RHPN1: variants seen among roughly 807,000 people sequenced by gnomAD.
RHPN1 encodes the protein rhophilin-1.
Under a neutral mutation model 74.7 loss-of-function variants are expected in RHPN1, and 77 were observed. The observed-to-expected ratio is 1.03, with a 90% confidence interval of 0.86 to 1.25. The LOEUF (loss-of-function observed/expected upper bound fraction) is 1.25, where lower values mean the gene tolerates loss of function less well. Among genes scored for constraint, RHPN1 ranks in the 50% most tolerant of loss-of-function variants. The pLI is 0.00. For missense variants in RHPN1, 987 were observed against 932.2 expected (o/e 1.06, Z -0.77); for synonymous variants, 444 against 414.5 (o/e 1.07, Z -0.87).
In RHPN1 at chr8:143,368,887, C is replaced by G; in HGVS notation, c.-101C>G. The G allele has an allele frequency of 1.1e-6, 1 of 874,816 alleles. No individual in the cohort carries two copies. Among genetic ancestry groups the G allele is most frequent in the South Asian group, 3.2e-5 (1 of 31,684 alleles). The allele number at this position is 874,816 out of a possible 1,614,324, so 54.2% of individuals were successfully genotyped here. A position where few individuals can be genotyped will look rare whatever the true frequency, so the allele number is the denominator to read the frequency against. Reference sequence around the variant, plus strand: ...GGACCGGCGCGGGCACTCAGGAGCCCGCGGCCCAGGTGGTGCGGGCGGCCC... The same window carrying G: ...GGACCGGCGCGGGCACTCAGGAGCCGGCGGCCCAGGTGGTGCGGGCGGCCC... On this transcript the variant is annotated 5_prime_UTR_variant, in exon 1 of 15. Coordinates refer to ENST00000289013, the MANE Select transcript of RHPN1 (RefSeq NM_052924.3).
chr8:143,381,827 C>A lies in RHPN1; in HGVS notation c.1656C>A (p.Gly552=). 1 of 1,612,820 alleles carries A rather than the reference C, an allele frequency of 6.2e-7. No homozygotes were observed. The change falls in exon 14 of 15, where the codon GGC becomes GGA. Residue 552 remains glycine (G), a synonymous_variant. Coordinates refer to ENST00000289013, the MANE Select transcript of RHPN1 (RefSeq NM_052924.3). The stretch of plus-strand genomic sequence containing the variant: ...CACAGGCGGCTGGCCTGAAGGAGGG[C>A]GACTACATTGTGTCAGTGAATGGGC... ...SQAAAAGLKE[G]DYIVSVNGQP...
rs1450374637 is a variant in RHPN1 at position 143,378,177 on chromosome 8, C to T, written c.382-92C>T. The T allele has an allele frequency of 4.6e-6, 5 of 1,076,860 alleles. No homozygotes were observed. In the South Asian group the frequency reaches 6.9e-5, roughly 15 times the overall value. The allele number at this position is 1,076,860 out of a possible 1,614,324, so 66.7% of individuals were successfully genotyped here. A position where few individuals can be genotyped will look rare whatever the true frequency, so the allele number is the denominator to read the frequency against. On this transcript the variant is annotated intron_variant, in intron 4 of 14. Coordinates refer to ENST00000289013, the MANE Select transcript of RHPN1 (RefSeq NM_052924.3). ...CTCTGCGGCACAGACCCTCCCTCCACCATGAGTCTTTTCCCAAGGTGGGTT... is the reference window on the plus strand; with the variant it reads ...CTCTGCGGCACAGACCCTCCCTCCATCATGAGTCTTTTCCCAAGGTGGGTT...
At chr8:143,375,453 T>A in intron 1 of RHPN1, 100 bp from the exon 2 acceptor site, 1 of 746,000 alleles carries the variant, frequency 1.3e-6, no homozygotes, top group Non-Finnish European at 2.1e-6. Flanking sequence ...GACCATCCCG[T>A]TACCCATGGG....
chr8:143,377,513 C>G, intron 4 of RHPN1, 58 bp downstream of exon 4: 1 of 1,246,482 alleles, frequency 8.0e-7, no homozygotes, highest in Middle Eastern at 1.9e-4. Context: ...CCAAGGGGGT[C>G]TTGGAGGCTT....
intron 4 of RHPN1, 35 bp downstream of exon 4, chr8:143,377,490 C>T (rs1245153272): frequency 6.5e-7 from 1 of 1,530,780 alleles, no homozygotes; most frequent in Non-Finnish European, 9.0e-7. Context: ...AGATACACGG[C>T]CCTGCCCTGG....
intron 4 of RHPN1, 151 bp from the exon 5 acceptor site, chr8:143,378,118 C>A: frequency 1.5e-6 from 1 of 671,294 alleles, no homozygotes; most frequent in Admixed American, 2.6e-5. Context: ...CACTGAGGGG[C>A]CCAGGGCCCC....
At chr8:143,366,439 TAC>T (rs1335095606), upstream of RHPN1, among the ~76,000 whole-genome samples, 1 of 152,066 alleles carries the variant, frequency 6.6e-6, no homozygotes, top group Non-Finnish European at 1.5e-5. Context: ...AGTGCAGTGA[TAC>T]ATTCTTGCTG....
In RHPN1 at chr8:143,378,322, CAG is replaced by C; in HGVS notation, c.436_437del (p.Arg146GlyfsTer16). ...EDGASYEAEI[R>X]ELEALRQAMR... Reference sequence around the variant, plus strand: ...ACGGCGCCTCCTACGAGGCAGAAATCAGGGAGCTGGAGGCCCTGCGGCAGGTG... The same window carrying C: ...ACGGCGCCTCCTACGAGGCAGAAATCGGAGCTGGAGGCCCTGCGGCAGGTG... On this transcript the variant is annotated frameshift_variant, in exon 5 of 15. Transcript: ENST00000289013. LOFTEE classifies it high-confidence loss of function. 6.4e-7 allele frequency: 1 copy of C among 1,563,528 alleles called. No individual in the cohort carries two copies.
chr8:143,380,023 G>GC (rs750795646), intron 9 of RHPN1, 38 bp downstream of exon 9: 41 of 1,547,466 alleles, frequency 2.6e-5, no homozygotes, highest in African/African-American at 8.2e-5. Flanking sequence ...TACTGCCAAG[G>GC]CCCCCCCGCG....
intron 3 of RHPN1, among the ~76,000 whole-genome samples, chr8:143,376,870 A>ATGTGTGCGTTG (rs56074270): frequency 1.3e-5 from 2 of 148,290 alleles, no homozygotes; most frequent in Non-Finnish European, 3.0e-5. Flanking sequence ...CTGTGTGTAT[A>ATGTGTGCGTTG]TGTGTGTGCA....
Position 143,379,403 on chromosome 8 carries a change from G to C in RHPN1, c.840G>C (p.Met280Ile), listed in dbSNP as rs576970856. The C allele has an allele frequency of 1.1e-5, 18 of 1,591,632 alleles. No individual in the cohort carries two copies. Among genetic ancestry groups the C allele is most frequent in the South Asian group, 5.7e-5 (5 of 87,634 alleles). ...CCCTCTGCGCACTGGAGCAGCTCAT[G>C]ATGGCCCAGGCCCAGGAATGTGTGT... ...AASLCALEQL[M>I]MAQAQECVFE... Residue 280 changes from methionine to isoleucine, a missense_variant, in exon 8 of 15, where the codon ATG (methionine) becomes ATC (isoleucine). Physicochemically the swap from Met to Ile is conservative, Grantham distance 10. Transcript: ENST00000289013.
intron 2 of RHPN1, 53 bp from the exon 3 acceptor site, chr8:143,376,472 G>T: frequency 1.9e-6 from 3 of 1,599,850 alleles, no homozygotes; most frequent in Non-Finnish European, 2.6e-6. Flanking sequence ...GTGGGCACGG[G>T]GCCTTTGGCT....
chr8:143,374,969 G>A (rs549690773), intron 1 of RHPN1, among the ~76,000 whole-genome samples: 23 of 152,316 alleles, frequency 1.5e-4, no homozygotes, highest in South Asian at 1.2e-3. Context: ...ACGGGTGTGC[G>A]TTCGCTTCGA....
Position 143,368,915 on chromosome 8 carries a change from G to T in RHPN1, c.-73G>T, listed in dbSNP as rs892576709. 3.0e-5 allele frequency: 38 copies of T among 1,272,124 alleles called. No individual in the cohort carries two copies. The highest frequency in any genetic ancestry group is 3.9e-5 in the Non-Finnish European group (38 of 977,170). The allele number at this position is 1,272,124 out of a possible 1,614,324, so 78.8% of individuals were successfully genotyped here. A position where few individuals can be genotyped will look rare whatever the true frequency, so the allele number is the denominator to read the frequency against. On this transcript the variant is annotated 5_prime_UTR_variant, in exon 1 of 15. Transcript: ENST00000289013. ...GGCCCAGGTGGTGCGGGCGGCCCTAGCCCGGCTGCGGAGCGCTGCGCGAGC... is the reference window on the plus strand; with the variant it reads ...GGCCCAGGTGGTGCGGGCGGCCCTATCCCGGCTGCGGAGCGCTGCGCGAGC...
At chr8:143,367,880 G>C (rs1015204467), upstream of RHPN1, 3 of 152,296 alleles carry the variant, frequency 2.0e-5, no homozygotes, top group African/African-American at 7.2e-5. Context: ...AGCGGGCTCC[G>C]GAGTCACCAG....
chr8:143,379,557 G>A, intron 8 of RHPN1, 49 bp downstream of exon 8: 1 of 1,500,934 alleles, frequency 6.7e-7, no homozygotes, highest in Non-Finnish European at 8.9e-7. Context: ...GCCGAGCTGG[G>A]GTCAGAGCCC....
intron 1 of RHPN1, among the ~76,000 whole-genome samples, chr8:143,370,698 A>G (rs1817765414): frequency 6.6e-6 from 1 of 152,234 alleles, no homozygotes; most frequent in South Asian, 2.1e-4. Context: ...AGCCCGTCTG[A>G]TGAACAGGGT....
upstream of RHPN1, among the ~76,000 whole-genome samples, chr8:143,365,536 T>C (rs1360087456): frequency 2.6e-5 from 4 of 152,218 alleles, no homozygotes; most frequent in Admixed American, 6.5e-5. Context: ...CTCACAGCCA[T>C]TGGGCCTTGG....
intron 1 of RHPN1, chr8:143,374,136 T>C (rs1818051960): frequency 1.0e-6 from 1 of 985,254 alleles, no homozygotes; most frequent in African/African-American, 1.7e-5. Context: ...TCTCTCCAGA[T>C]ATCTAGGAGA....
Sources: allele counts gnomAD v4.1 joint callset (sites outside exome capture counted in the v4.1 genomes callset), GRCh38; gene constraint gnomAD v4.1.1; transcripts MANE v1.5; gene names NCBI Gene and HGNC (gene_info 2026-07-23, HGNC 2026-07-21).